CBX5: variants seen among roughly 807,000 people sequenced by gnomAD.
CBX5 encodes chromobox protein homolog 5.
In CBX5, 7 loss-of-function variants were observed where a neutral mutation model predicts 20.7. The observed-to-expected ratio is 0.34, with a 90% CI of 0.19 to 0.63. The LOEUF is 0.63. Among genes scored for constraint, CBX5 ranks in the 30% least tolerant of loss-of-function variants. The probability of loss-of-function intolerance (pLI) is 0.75; values close to 1 mark genes in which losing one functional copy is unlikely to be tolerated. For synonymous variants in CBX5, 78 were observed against 77.0 expected (o/e 1.01, Z -0.07); for missense variants, 110 against 224.1 (o/e 0.49, Z 3.25).
At chr12:54,278,126 G>A (rs1441475574) in intron 1 of CBX5, among the ~76,000 whole-genome samples, 1 of 152,228 alleles carries the variant, frequency 6.6e-6, no homozygotes, top group Non-Finnish European at 1.5e-5. Context: ...ATGGGGATGT[G>A]GCGAGTGATG....
In CBX5 at chr12:54,235,220, C is replaced by T. The variant is rs1943606948; in HGVS notation, c.*6535G>A. The stretch of plus-strand genomic sequence containing the variant: ...CTTACGATCAGACTGTTTCTTAACC[C>T]AGCTACGCTTCGATGATTAAATCTG... On this transcript the variant is annotated 3_prime_UTR_variant, in exon 5 of 5. Coordinates refer to ENST00000209875, the MANE Select transcript of CBX5 (RefSeq NM_012117.3). 2 of 152,176 alleles carry T rather than the reference C, an allele frequency of 1.3e-5. No individual in the cohort carries two copies. The highest frequency in any genetic ancestry group is 1.5e-5 in the Non-Finnish European group (1 of 68,030). 9.4% of individuals were successfully genotyped at this position (152,176 alleles called of 1,614,324 possible). A position where few individuals can be genotyped will look rare whatever the true frequency, so the allele number is the denominator to read the frequency against.
Position 54,252,223 on chromosome 12 carries a change from G to T in CBX5, c.142C>A (p.His48Asn). ...TTTTTCTCAGGTTCCCAAGTATTGT[G>T]CTCCCTGGGTAAGAAAAATGGGAAA... ...LLKWKGFSEEHNTWEPEKNLD... is the reference protein window; with the variant it reads ...LLKWKGFSEENNTWEPEKNLD... Residue 48 changes from histidine to asparagine, a missense_variant, in exon 3 of 5, where the codon CAC (histidine) becomes AAC (asparagine). By Grantham distance (68) the His-to-Asn change is moderately conservative. Transcript: ENST00000209875. 1 of 1,539,800 alleles carries T rather than the reference G, an allele frequency of 6.5e-7. No homozygotes were observed.
rs369654429 is a variant in CBX5 at position 54,239,056 on chromosome 12, G to C, written c.*2699C>G. ...GGCATCTGATTTCCTTTGTGCTAAG[G>C]GCTGAAATCAATACTGGCCTCTGGC... On this transcript the variant is annotated 3_prime_UTR_variant, in exon 5 of 5. Coordinates refer to ENST00000209875, the MANE Select transcript of CBX5 (RefSeq NM_012117.3). 1 of 152,118 alleles carries C rather than the reference G, an allele frequency of 6.6e-6. No individual in the cohort carries two copies. The highest frequency in any genetic ancestry group is 1.5e-5 in the Non-Finnish European group (1 of 68,030). 9.4% of individuals were successfully genotyped at this position (152,118 alleles called of 1,614,324 possible). A position where few individuals can be genotyped will look rare whatever the true frequency, so the allele number is the denominator to read the frequency against.
chr12:54,279,086 CTG>C (rs1445847238), intron 1 of CBX5: 1 of 152,228 alleles, frequency 6.6e-6, no homozygotes, highest in African/African-American at 2.4e-5. Context: ...CTCGATCCTA[CTG>C]TGTCCCTAGG....
chr12:54,275,890 T>G (rs185324992), intron 1 of CBX5, among the ~76,000 whole-genome samples: 208 of 149,234 alleles, frequency 1.4e-3, no homozygotes, highest in Admixed American at 3.8e-3. Flanking sequence ...CTCAGGAGGC[T>G]GGAGCAGGAG....
intron 1 of CBX5, chr12:54,263,059 C>T (rs1231113649): frequency 1.3e-5 from 2 of 152,290 alleles, no homozygotes; most frequent in Non-Finnish European, 2.9e-5. Flanking sequence ...GCACCTAAGG[C>T]CCATTGAGAT....
chr12:54,267,638 A>C (rs1943968547), intron 1 of CBX5, among the ~76,000 whole-genome samples: 2 of 151,732 alleles, frequency 1.3e-5, no homozygotes, highest in South Asian at 4.1e-4. Flanking sequence ...CAGCCTCCCG[A>C]GTAGCTGGAA....
At chr12:54,274,143 C>T (rs896456304) in intron 1 of CBX5, 1 of 152,198 alleles carries the variant, frequency 6.6e-6, no homozygotes, top group Non-Finnish European at 1.5e-5. Context: ...AGCTCCTGGA[C>T]AGACTAAACA....
intron 1 of CBX5, among the ~76,000 whole-genome samples, chr12:54,266,633 A>G (rs958080474): frequency 3.9e-5 from 6 of 152,124 alleles, no homozygotes; most frequent in Non-Finnish European, 8.8e-5. Flanking sequence ...ATTTGGTTGT[A>G]TGTCCCCCAG....
intron 1 of CBX5, among the ~76,000 whole-genome samples, chr12:54,275,753 C>T (rs1944058216): frequency 6.6e-6 from 1 of 151,914 alleles, no homozygotes; most frequent in Non-Finnish European, 1.5e-5. Context: ...CACCTGTAAT[C>T]CCAGCACTTT....
rs114612104 is a variant in CBX5, at chr12:54,260,735, A to C, written c.-42-3043T>G. On this transcript the variant is annotated intron_variant, in intron 1 of 4. Transcript: ENST00000209875. The stretch of plus-strand genomic sequence containing the variant: ...GAAAAGGAGTACTAGGATAAATAAA[A>C]AAGATATATAGAGACTTGAAATACT... Among the ~76,000 whole-genome samples the C allele has an allele frequency of 3.3e-3, 502 of 152,300 alleles. 2 individuals carry two copies. Among genetic ancestry groups the C allele is most frequent in the African/African-American group, 0.011 (457 of 41,566 alleles).
At chr12:54,254,748 G>A (rs1220429968) in intron 2 of CBX5, among the ~76,000 whole-genome samples, 1 of 151,948 alleles carries the variant, frequency 6.6e-6, no homozygotes, top group African/African-American at 2.4e-5. Flanking sequence ...ATCTACTCAG[G>A]AGGCTGAGGC....
At chr12:54,275,298 A>G (rs1436617951) in intron 1 of CBX5, among the ~76,000 whole-genome samples, 1 of 151,938 alleles carries the variant, frequency 6.6e-6, no homozygotes, top group Non-Finnish European at 1.5e-5. Flanking sequence ...GCTGGAGTAC[A>G]GTGGTGCAAT....
intron 3 of CBX5, among the ~76,000 whole-genome samples, chr12:54,246,513 G>A (rs1406414164): frequency 6.6e-6 from 1 of 152,192 alleles, no homozygotes; most frequent in Admixed American, 6.5e-5. Context: ...GAGGCATGGT[G>A]GCTCACGCCT....
intron 1 of CBX5, among the ~76,000 whole-genome samples, chr12:54,262,270 G>T (rs567983306): frequency 6.6e-6 from 1 of 152,294 alleles, no homozygotes; most frequent in Admixed American, 6.5e-5. Context: ...AAAGAAAAGT[G>T]AATTTAATGA....
chr12:54,265,472 C>A (rs1279815174), intron 1 of CBX5, among the ~76,000 whole-genome samples: 1 of 152,228 alleles, frequency 6.6e-6, no homozygotes, highest in Non-Finnish European at 1.5e-5. Context: ...GCTGTCCTGG[C>A]TGTCTCAGGT....
chr12:54,254,331 CAAAAAAAAAAAAA>C (rs34812446), intron 2 of CBX5, among the ~76,000 whole-genome samples: 1 of 54,922 alleles, frequency 1.8e-5, no homozygotes, highest in South Asian at 6.8e-4. Flanking sequence ...AACTCCATCT[CAAAAAAAAAAAAA>C]AAAAAAAAAG....
intron 1 of CBX5, chr12:54,276,902 G>C (rs549340195): frequency 2.6e-5 from 4 of 152,244 alleles, no homozygotes; most frequent in African/African-American, 9.6e-5. Context: ...AGGCTAGCTA[G>C]AATCAAGTGA....
rs1943669625 is a variant in CBX5 at position 54,240,917 on chromosome 12, C to T, written c.*838G>A. 6.6e-6 allele frequency: 1 copy of T among 152,178 alleles called. No homozygotes were observed. Among genetic ancestry groups the T allele is most frequent in the Non-Finnish European group, 1.5e-5 (1 of 68,028 alleles). The allele number at this position is 152,178 out of a possible 1,614,324, so 9.4% of individuals were successfully genotyped here. A position where few individuals can be genotyped will look rare whatever the true frequency, so the allele number is the denominator to read the frequency against. On this transcript the variant is annotated 3_prime_UTR_variant, in exon 5 of 5. Coordinates refer to ENST00000209875, the MANE Select transcript of CBX5 (RefSeq NM_012117.3). ...ATATGAGGAATGGAAAGAAATCATA[C>T]ATACATACCATATATGATAATAAAG...
Sources: gnomAD v4.1 joint callset for allele counts (sites outside exome capture counted in the v4.1 genomes callset) on GRCh38, gnomAD v4.1.1 for gene constraint, MANE v1.5 for transcripts, NCBI Gene and HGNC (gene_info 2026-07-23, HGNC 2026-07-21) for gene names.